CAMKMT: variants seen among roughly 807,000 people sequenced by gnomAD.
The protein encoded by CAMKMT is CaM KMT.
CAMKMT carries 53 observed loss-of-function variants against 48.0 expected under a neutral mutation model. The ratio of observed to expected loss-of-function variants is 1.10; its 90% confidence interval spans 0.89 to 1.39. The LOEUF is 1.39. Among genes scored for constraint, CAMKMT ranks in the 40% most tolerant of loss-of-function variants. The pLI is 0.00. For missense variants in CAMKMT, 428 were observed against 402.7 expected, an observed-to-expected ratio of 1.06 and a Z score of -0.54; for synonymous variants, 165 against 152.3, an observed-to-expected ratio of 1.08 and a Z score of -0.61.
chr2:44,576,354 AAAAG>A (rs1362423480), intron 3 of CAMKMT, among the ~76,000 whole-genome samples: 4 of 151,742 alleles, frequency 2.6e-5, no homozygotes, highest in African/African-American at 9.7e-5. Flanking sequence ...AAAGAAAAGA[AAAAG>A]AAAGAACACA....
intron 3 of CAMKMT, among the ~76,000 whole-genome samples, chr2:44,631,306 GT>G (rs2103968878): frequency 6.6e-6 from 1 of 152,234 alleles, no homozygotes; most frequent in Non-Finnish European, 1.5e-5. Flanking sequence ...TAGATGACGA[GT>G]TAGTGGGTGC....
chr2:44,363,687 TC>T (rs1444354837), intron 1 of CAMKMT, among the ~76,000 whole-genome samples: 2 of 145,596 alleles, frequency 1.4e-5, no homozygotes, highest in East Asian at 2.0e-4. Flanking sequence ...GCAACCCCCT[TC>T]TTTTTTTTTT....
At chr2:44,739,412 C>T (rs1679542749) in intron 7 of CAMKMT, among the ~76,000 whole-genome samples, 4 of 151,998 alleles carry the variant, frequency 2.6e-5, no homozygotes. Context: ...AGGTCTTTGG[C>T]CTGAGCAACT....
At chr2:44,440,222 T>G (rs1405455374) in intron 3 of CAMKMT, among the ~76,000 whole-genome samples, 3 of 152,226 alleles carry the variant, frequency 2.0e-5, no homozygotes, top group Non-Finnish European at 4.4e-5. Flanking sequence ...AGCCCATGAT[T>G]TCCTTGAGTT....
intron 8 of CAMKMT, among the ~76,000 whole-genome samples, chr2:44,750,423 C>T (rs1680104121): frequency 6.6e-6 from 1 of 152,190 alleles, no homozygotes; most frequent in Non-Finnish European, 1.5e-5. Context: ...TCCCAAAGTG[C>T]TGGGATTACA....
At chr2:44,500,331 T>G (rs1037031213) in intron 3 of CAMKMT, among the ~76,000 whole-genome samples, 48 of 152,298 alleles carry the variant, frequency 3.2e-4, no homozygotes, top group African/African-American at 1.1e-3. Context: ...TCTTTTGAGC[T>G]TGTCTTATTT....
chr2:44,662,931 T>C (rs897659196), intron 3 of CAMKMT, among the ~76,000 whole-genome samples: 6 of 152,206 alleles, frequency 3.9e-5, no homozygotes, highest in African/African-American at 1.4e-4. Flanking sequence ...AAGATTCCTA[T>C]ATGTCATTTG....
At chr2:44,610,536 G>A (rs1671539474) in intron 3 of CAMKMT, among the ~76,000 whole-genome samples, 1 of 152,026 alleles carries the variant, frequency 6.6e-6, no homozygotes, top group African/African-American at 2.4e-5. Context: ...AAGTTTCGAT[G>A]GACAAAAACT....
chr2:44,749,788 C>G (rs1023918479), intron 8 of CAMKMT, among the ~76,000 whole-genome samples: 2 of 152,162 alleles, frequency 1.3e-5, no homozygotes, highest in Non-Finnish European at 2.9e-5. Flanking sequence ...CAACAGCCCC[C>G]TCTGAGCGAG....
At chr2:44,651,778 T>A (rs539338375) in intron 3 of CAMKMT, among the ~76,000 whole-genome samples, 8 of 152,322 alleles carry the variant, frequency 5.3e-5, no homozygotes, top group African/African-American at 1.9e-4. Flanking sequence ...AATATTTAAA[T>A]GTATTCAACT....
At chr2:44,401,531 T>C (rs1682377206) in intron 3 of CAMKMT, among the ~76,000 whole-genome samples, 1 of 151,470 alleles carries the variant, frequency 6.6e-6, no homozygotes, top group Non-Finnish European at 1.5e-5. Context: ...CACTCCAGAC[T>C]GGGTGACAGA....
intron 3 of CAMKMT, among the ~76,000 whole-genome samples, chr2:44,393,759 G>A (rs565026451): frequency 6.6e-6 from 1 of 152,262 alleles, no homozygotes; most frequent in African/African-American, 2.4e-5. Flanking sequence ...GGTAACAAGG[G>A]AGTGCTCTAT....
intron 3 of CAMKMT, among the ~76,000 whole-genome samples, chr2:44,403,481 C>T (rs191344042): frequency 6.6e-6 from 1 of 152,154 alleles, no homozygotes. Context: ...TCAACAAATT[C>T]TTCTGTGTTT....
intron 3 of CAMKMT, among the ~76,000 whole-genome samples, chr2:44,402,067 C>A (rs765690259): frequency 6.6e-6 from 1 of 152,078 alleles, no homozygotes; most frequent in Non-Finnish European, 1.5e-5. Flanking sequence ...TGGCTCACGC[C>A]TATAGTCCCA....
chr2:44,616,969 C>A (rs1671927897), intron 3 of CAMKMT, among the ~76,000 whole-genome samples: 1 of 152,162 alleles, frequency 6.6e-6, no homozygotes, highest in African/African-American at 2.4e-5. Context: ...CTGCAGAGTT[C>A]AAAGAGACTA....
chr2:44,636,468 A>G (rs942970850), intron 3 of CAMKMT, among the ~76,000 whole-genome samples: 1 of 152,232 alleles, frequency 6.6e-6, no homozygotes, highest in Non-Finnish European at 1.5e-5. Context: ...CTGTGCAAAC[A>G]CTAAGGCGGT....
chr2:44,723,353 G>A (rs1009792063), intron 7 of CAMKMT, among the ~76,000 whole-genome samples: 1 of 152,110 alleles, frequency 6.6e-6, no homozygotes, highest in African/African-American at 2.4e-5. Flanking sequence ...AGCACTTTGG[G>A]AGGCCAGGGT....
intron 3 of CAMKMT, among the ~76,000 whole-genome samples, chr2:44,514,062 A>G (rs1670710305): frequency 6.6e-6 from 1 of 151,266 alleles, no homozygotes; most frequent in East Asian, 1.9e-4. Context: ...AGATTGCGCC[A>G]CTACACTCTA....
At chr2:44,612,199 C>G (rs1327852200) in intron 3 of CAMKMT, among the ~76,000 whole-genome samples, 3 of 151,842 alleles carry the variant, frequency 2.0e-5, no homozygotes, top group Admixed American at 6.6e-5. Context: ...ATGATCAAAA[C>G]CTGATAATAG....
Sources: gnomAD v4.1 joint callset for allele counts (sites outside exome capture counted in the v4.1 genomes callset) on GRCh38, gnomAD v4.1.1 for gene constraint, MANE v1.5 for transcripts, NCBI Gene and HGNC (gene_info 2026-07-23, HGNC 2026-07-21) for gene names.